The following CCDC38 variants were observed in gnomAD, a reference collection of about 807,000 sequenced individuals.
CCDC38 encodes the protein coiled-coil domain-containing protein 38.
A neutral mutation model predicts 72.8 loss-of-function variants in CCDC38; 69 were observed. The observed-to-expected ratio is 0.95, with a 90% confidence interval of 0.78 to 1.16. CCDC38 has a LOEUF of 1.16. Ranked by LOEUF, CCDC38 falls within the 50% of genes most tolerant of loss-of-function variation. The pLI is 0.00. For missense variants in CCDC38, 626 were observed against 638.9 expected (o/e 0.98, Z 0.22); for synonymous variants, 201 against 213.2 (o/e 0.94, Z 0.50).
chr12:95,882,623 C>T (rs2079713770), intron 10 of CCDC38, among the ~76,000 whole-genome samples: 1 of 152,176 alleles, frequency 6.6e-6, no homozygotes, highest in African/African-American at 2.4e-5. Context: ...GTCCACCCTT[C>T]TCTGCTCTTG....
At chr12:95,907,785 C>A (rs2080027138) in intron 4 of CCDC38, among the ~76,000 whole-genome samples, 1 of 151,598 alleles carries the variant, frequency 6.6e-6, no homozygotes, top group South Asian at 2.1e-4. Context: ...GGCAGAGACG[C>A]TCCTCACATC....
rs1409055293 is a variant in CCDC38, at chr12:95,890,918, T to G, written c.785A>C (p.His262Pro). 1 of 1,586,402 alleles carries G rather than the reference T, an allele frequency of 6.3e-7. No homozygotes were observed. The highest frequency in any genetic ancestry group is 8.6e-7 in the Non-Finnish European group (1 of 1,159,218). The change falls in exon 9 of 16, where the codon CAT (histidine) becomes CCT (proline). Residue 262 changes from histidine (H) to proline (P), a missense_variant. His to Pro is a moderately conservative substitution (Grantham distance 77, BLOSUM62 -2). Coordinates refer to ENST00000344280, the MANE Select transcript of CCDC38 (RefSeq NM_182496.3). ...AAGGATGCCTTCCTTGTTACTTGAA[T>G]GTAATGATAATTCTAGAAATGGCAA... ...LPKILAKLSL[H>P]SSNKEGILEE... is the part of the protein sequence containing the mutation.
At chr12:95,932,975 T>C (rs914594716) in intron 2 of CCDC38, among the ~76,000 whole-genome samples, 5 of 151,976 alleles carry the variant, frequency 3.3e-5, no homozygotes, top group African/African-American at 1.2e-4. Flanking sequence ...AAAAAATGAG[T>C]CGGAGAAAAT....
rs547881377 is a variant in CCDC38, at chr12:95,883,661, A to G, written c.921-2107T>C. Among the ~76,000 whole-genome samples, 5 of 152,310 alleles carry G rather than the reference A, an allele frequency of 3.3e-5. No homozygotes were observed. The East Asian group carries it at 7.7e-4, about 24-fold the overall frequency. ...TGTGGCACTCTGGGCTTATCCTTCT[A>G]ATAACATTATCACATTGTATTGCAA... On this transcript the variant is annotated intron_variant, in intron 10 of 15. Coordinates refer to ENST00000344280, the MANE Select transcript of CCDC38 (RefSeq NM_182496.3).
At chr12:95,920,365 T>C (rs922907956) in intron 2 of CCDC38, among the ~76,000 whole-genome samples, 3 of 152,204 alleles carry the variant, frequency 2.0e-5, no homozygotes, top group East Asian at 1.9e-4. Flanking sequence ...TCCCCAACCA[T>C]ATGGAACTGT....
intron 5 of CCDC38, among the ~76,000 whole-genome samples, chr12:95,899,304 T>C (rs1043637529): frequency 3.9e-5 from 6 of 152,212 alleles, no homozygotes; most frequent in African/African-American, 1.4e-4. Context: ...ATTTTTGTTT[T>C]GTTTTGTTTT....
chr12:95,933,555 C>T (rs1189257015), intron 2 of CCDC38: 5 of 152,126 alleles, frequency 3.3e-5, no homozygotes, highest in African/African-American at 7.2e-5. Flanking sequence ...GATATAATTC[C>T]ACAGGATCTC....
rs889100615 is a variant in CCDC38, at chr12:95,927,930, C to T, written c.37+8543G>A. On this transcript the variant is annotated intron_variant, in intron 2 of 15. Coordinates refer to ENST00000344280, the MANE Select transcript of CCDC38 (RefSeq NM_182496.3). Reference sequence around the variant, plus strand: ...TCCACTGTTAGTCTGATGGGCTTCCCTTTGTGGGTAACCCGACCTTTCTCT... The same window carrying T: ...TCCACTGTTAGTCTGATGGGCTTCCTTTTGTGGGTAACCCGACCTTTCTCT... 3.3e-5 allele frequency among the ~76,000 whole-genome samples: 5 copies of T among 150,176 alleles called. No individual in the cohort carries two copies. In the Admixed American group the frequency reaches 3.3e-4, roughly 10 times the overall value.
intron 13 of CCDC38, 40 bp downstream of exon 13, chr12:95,878,171 T>C: frequency 6.2e-7 from 1 of 1,606,650 alleles, no homozygotes; most frequent in Non-Finnish European, 8.5e-7. Context: ...ATTATAATCA[T>C]GAGCCAAAAT....
At chr12:95,911,590 G>A (rs2136710851) in intron 4 of CCDC38, among the ~76,000 whole-genome samples, 1 of 152,194 alleles carries the variant, frequency 6.6e-6, no homozygotes, top group East Asian at 1.9e-4. Context: ...AGGCATACAA[G>A]TGACATCCGA....
intron 8 of CCDC38, among the ~76,000 whole-genome samples, chr12:95,893,855 T>G (rs939905215): frequency 2.6e-5 from 4 of 151,882 alleles, no homozygotes; most frequent in African/African-American, 9.7e-5. Flanking sequence ...ATAAATATGT[T>G]AATATATAAG....
intron 9 of CCDC38, 132 bp from the exon 10 acceptor site, chr12:95,888,638 C>G: frequency 1.4e-6 from 1 of 692,314 alleles, no homozygotes; most frequent in Non-Finnish European, 2.5e-6. Context: ...CCCATTACTT[C>G]TTTCTTTTTT....
chr12:95,878,156 T>C, intron 13 of CCDC38, 55 bp downstream of exon 13: 3 of 1,594,144 alleles, frequency 1.9e-6, no homozygotes, highest in Non-Finnish European at 2.6e-6. Flanking sequence ...ACACAGGGAA[T>C]AAAAATTATA....
In CCDC38 at chr12:95,898,401, C is replaced by T. The variant is rs767064014; in HGVS notation, c.598G>A (p.Val200Ile). 1 of 1,614,166 alleles carries T rather than the reference C, an allele frequency of 6.2e-7. No homozygotes were observed. Among genetic ancestry groups the T allele is most frequent in the East Asian group, 2.2e-5 (1 of 44,880 alleles). ...TAELKKASME[V>I]QAVKSEIAKT... ...CACCCTCACCTTTTCACTGCTTGTACCTCCATGCTTGCTTTCTTCAGCTCT... is the reference window on the plus strand; with the variant it reads ...CACCCTCACCTTTTCACTGCTTGTATCTCCATGCTTGCTTTCTTCAGCTCT... Residue 200 changes from valine (V) to isoleucine (I), a missense_variant, in exon 7 of 16, where the codon GTA becomes ATA. Physicochemically the swap from Val to Ile is conservative, Grantham distance 29 (BLOSUM62 3). Transcript: ENST00000344280.
intron 2 of CCDC38, among the ~76,000 whole-genome samples, chr12:95,932,853 G>A (rs571182471): frequency 6.6e-6 from 1 of 152,174 alleles, no homozygotes; most frequent in Non-Finnish European, 1.5e-5. Flanking sequence ...TGGGGAGATT[G>A]CTCTGCTGTG....
At chr12:95,933,689 A>C (rs1033369002) in intron 2 of CCDC38, 9 of 152,242 alleles carry the variant, frequency 5.9e-5, no homozygotes, top group Admixed American at 3.9e-4. Context: ...GTATACATGC[A>C]AAGAAACTTT....
intron 14 of CCDC38, 142 bp downstream of exon 14, chr12:95,872,113 T>C (rs1157899913): frequency 1.4e-6 from 1 of 697,538 alleles, no homozygotes; most frequent in Admixed American, 2.5e-5. Flanking sequence ...ATAATAGCTA[T>C]ATGAGGAGAG....
Position 95,917,115 on chromosome 12 carries a change from T to G in CCDC38, c.304+14A>C. The G allele has an allele frequency of 6.4e-7, 1 of 1,560,142 alleles. No individual in the cohort carries two copies. The highest frequency in any genetic ancestry group is 8.6e-7 in the Non-Finnish European group (1 of 1,162,874). ...TATTCAAAATGATGTTCTTAAAGAG[T>G]AATTTAGACTCACCTTCTATTAATC... On this transcript the variant is annotated intron_variant, in intron 4 of 15. Transcript: ENST00000344280.
Position 95,936,463 on chromosome 12 carries a change from T to C in CCDC38, c.37+10A>G, listed in dbSNP as rs754223930. ...CCCAAACAAGAATATATTGATTGAT[T>C]TCTTTTTACCTCCAGAATTCAGTGT... On this transcript the variant is annotated intron_variant, in intron 2 of 15. Coordinates refer to ENST00000344280, the MANE Select transcript of CCDC38 (RefSeq NM_182496.3). 1.2e-6 allele frequency: 2 copies of C among 1,612,790 alleles called. No homozygotes were observed. The highest frequency in any genetic ancestry group is 2.2e-5 in the South Asian group (2 of 90,820).
Sources: gnomAD v4.1 joint callset for allele counts (sites outside exome capture counted in the v4.1 genomes callset) on GRCh38, gnomAD v4.1.1 for gene constraint, MANE v1.5 for transcripts, NCBI Gene and HGNC (gene_info 2026-07-23, HGNC 2026-07-21) for gene names.